FABP12: variants seen among roughly 807,000 people sequenced by gnomAD.
The protein encoded by FABP12 is fatty acid-binding protein 12.
In FABP12, 19 loss-of-function variants were observed where a neutral mutation model predicts 13.7. The ratio of observed to expected loss-of-function variants is 1.39; its 90% CI spans 0.97 to 2.04. FABP12 has a LOEUF of 2.04. Ranked by LOEUF, FABP12 falls within the 30% of genes most tolerant of loss-of-function variation. FABP12 has a pLI of 0.00. For missense variants in FABP12, 182 were observed against 164.2 expected (o/e 1.11, Z -0.59); for synonymous variants, 61 against 57.0 (o/e 1.07, Z -0.32).
At chr8:81,576,793 C>T (rs976195358) in intron 1 of FABP12, among the ~76,000 whole-genome samples, 2 of 152,146 alleles carry the variant, frequency 1.3e-5, no homozygotes, top group African/African-American at 4.8e-5. Context: ...ATGAGTAGGT[C>T]AGGAGTTCTA....
chr8:81,531,328 A>G, exon 2 of FABP12: 3 of 1,579,940 alleles, frequency 1.9e-6, no homozygotes, highest in Non-Finnish European at 2.6e-6. Flanking sequence ...TGTCTGAGAT[A>G]AGTTGATCTC....
At chr8:81,535,061 A>G (rs1169823998), upstream of FABP12, among the ~76,000 whole-genome samples, 2 of 152,266 alleles carry the variant, frequency 1.3e-5, no homozygotes, top group East Asian at 3.8e-4. Flanking sequence ...AACACCATGT[A>G]CCTGACACTG....
At chr8:81,576,946 C>T (rs928001397) in intron 1 of FABP12, among the ~76,000 whole-genome samples, 6 of 152,248 alleles carry the variant, frequency 3.9e-5, no homozygotes, top group East Asian at 1.9e-4. Context: ...CTGTTTATGG[C>T]ATTGGACAAA....
At chr8:81,586,542 G>T (rs1810241910) in intron 1 of FABP12, among the ~76,000 whole-genome samples, 1 of 152,106 alleles carries the variant, frequency 6.6e-6, no homozygotes, top group Non-Finnish European at 1.5e-5. Flanking sequence ...ATTCTGACTG[G>T]TGTGAGATAG....
exon 1 of FABP12, among the ~76,000 whole-genome samples, chr8:81,590,093 A>G (rs10106884): frequency 0.025 from 3,843 of 152,334 alleles, 128 homozygotes; most frequent in African/African-American, 0.078. Context: ...ACCTGAGGAA[A>G]GACCATGGGA....
upstream of FABP12, among the ~76,000 whole-genome samples, chr8:81,536,691 T>C (rs754030906): frequency 4.6e-5 from 7 of 152,244 alleles, no homozygotes; most frequent in Non-Finnish European, 8.8e-5. Context: ...AATTCCTTCA[T>C]GTTTCCCTGT....
intron 1 of FABP12, among the ~76,000 whole-genome samples, chr8:81,553,548 T>C (rs991560462): frequency 6.6e-6 from 1 of 152,158 alleles, no homozygotes; most frequent in African/African-American, 2.4e-5. Flanking sequence ...AATTCAGAAA[T>C]GGGAGAACCT....
chr8:81,544,249 A>G (rs1182164152), intron 1 of FABP12, among the ~76,000 whole-genome samples: 1 of 152,196 alleles, frequency 6.6e-6, no homozygotes, highest in Admixed American at 6.5e-5. Flanking sequence ...TGTTCTTTAG[A>G]AGCTCTGGAG....
intron 1 of FABP12, among the ~76,000 whole-genome samples, chr8:81,569,803 A>G (rs749477617): frequency 7.9e-5 from 12 of 152,164 alleles, no homozygotes; most frequent in Non-Finnish European, 7.4e-5. Flanking sequence ...CATTTTCTTT[A>G]ATATTATTGT....
In FABP12 at chr8:81,557,596, C is replaced by G. The variant is rs548316572; in HGVS notation, c.-184-17853G>C. Among the ~76,000 whole-genome samples, 3 of 152,312 alleles carry G rather than the reference C, an allele frequency of 2.0e-5. No homozygotes were observed. In the South Asian group the frequency reaches 6.2e-4, roughly 32 times the overall value. ...ATTGTAAGATATTAGCTATCACAGA[C>G]AGCTATATAAGCAGTGATTATTTCA... On this transcript the variant is annotated intron_variant, in intron 1 of 5. Coordinates refer to the FABP12 transcript ENST00000692030.
intron 1 of FABP12, among the ~76,000 whole-genome samples, chr8:81,565,628 T>C (rs559883313): frequency 1.4e-4 from 22 of 152,024 alleles, no homozygotes; most frequent in African/African-American, 4.6e-4. Flanking sequence ...TTCAAACAAA[T>C]GATAATGGAA....
chr8:81,525,124 C>T lies in FABP12; in HGVS notation c.349-4G>A, dbSNP rs1470764543. 2 of 1,563,726 alleles carry T rather than the reference C, an allele frequency of 1.3e-6. No homozygotes were observed. Among genetic ancestry groups the T allele is most frequent in the Non-Finnish European group, 1.7e-6 (2 of 1,146,662 alleles). Reference sequence around the variant, plus strand: ...TAACACTGTTCACAGTACTTTCCTACAAGACAAAAGAAATATGAGGTATTT... The same window carrying T: ...TAACACTGTTCACAGTACTTTCCTATAAGACAAAAGAAATATGAGGTATTT... On this transcript the variant is annotated splice_polypyrimidine_tract_variant and splice_region_variant and intron_variant, in intron 4 of 4. Transcript: ENST00000360464.
intron 1 of FABP12, among the ~76,000 whole-genome samples, chr8:81,580,701 C>T (rs1810143377): frequency 6.6e-6 from 1 of 152,112 alleles, no homozygotes. Flanking sequence ...ATTGTCCCCC[C>T]AAAGGCAAAG....
intron 1 of FABP12, among the ~76,000 whole-genome samples, chr8:81,567,117 T>C (rs1225188978): frequency 6.6e-6 from 1 of 152,072 alleles, no homozygotes; most frequent in Non-Finnish European, 1.5e-5. Context: ...AGATCTTCAA[T>C]GAAAACTATA....
intron 1 of FABP12, among the ~76,000 whole-genome samples, chr8:81,569,911 G>T (rs1032380312): frequency 6.6e-6 from 1 of 152,140 alleles, no homozygotes; most frequent in African/African-American, 2.4e-5. Flanking sequence ...CGTTCTGCCC[G>T]CTCGGCCTGG....
intron 1 of FABP12, among the ~76,000 whole-genome samples, chr8:81,588,528 T>G (rs1810276243): frequency 1.3e-5 from 2 of 152,274 alleles, no homozygotes. Flanking sequence ...CTGAATTTAT[T>G]AGTTACAACA....
chr8:81,554,256 G>C (rs1809571586), intron 1 of FABP12, among the ~76,000 whole-genome samples: 1 of 152,080 alleles, frequency 6.6e-6, no homozygotes, highest in Non-Finnish European at 1.5e-5. Flanking sequence ...TTTCCGACTG[G>C]ATATTAAAAT....
intron 1 of FABP12, among the ~76,000 whole-genome samples, chr8:81,563,695 T>G (rs1409649963): frequency 2.0e-5 from 3 of 151,916 alleles, no homozygotes; most frequent in African/African-American, 4.8e-5. Flanking sequence ...AGCAAAAGAA[T>G]TAGTGATCTT....
At chr8:81,547,936 C>T (rs751704887) in intron 1 of FABP12, among the ~76,000 whole-genome samples, 1 of 152,172 alleles carries the variant, frequency 6.6e-6, no homozygotes, top group Non-Finnish European at 1.5e-5. Flanking sequence ...AGGACTTTTA[C>T]AGAATTCATA....
Sources: gnomAD v4.1 joint callset for allele counts (sites outside exome capture counted in the v4.1 genomes callset) on GRCh38, gnomAD v4.1.1 for gene constraint, MANE v1.5 for transcripts, NCBI Gene and HGNC (gene_info 2026-07-23, HGNC 2026-07-21) for gene names.